Variants in CADM1 observed in about 807,000 individuals in gnomAD.
CADM1 encodes the protein TSLC-1.
In CADM1, 15 loss-of-function variants were observed where a neutral mutation model predicts 53.1. That is an observed-to-expected ratio of 0.28 (90% CI 0.19 to 0.44). The LOEUF is 0.44. CADM1 is among the 20% of genes least tolerant of loss of function. CADM1 has a pLI of 1.00. For synonymous variants in CADM1, 281 were observed against 243.0 expected, an observed-to-expected ratio of 1.16 and a Z score of -1.45; for missense variants, 434 against 611.3, an observed-to-expected ratio of 0.71 and a Z score of 3.06.
intron 1 of CADM1, among the ~76,000 whole-genome samples, chr11:115,490,394 T>TTTC (rs1949467471): frequency 1.5e-5 from 2 of 134,076 alleles, no homozygotes; most frequent in Non-Finnish European, 3.2e-5. Context: ...AAGAACAGAT[T>TTTC]TTTTTTTTTT....
At chr11:115,412,479 G>C (rs1033646541) in intron 1 of CADM1, among the ~76,000 whole-genome samples, 2 of 152,204 alleles carry the variant, frequency 1.3e-5, no homozygotes, top group Non-Finnish European at 2.9e-5. Flanking sequence ...GATTACAGGC[G>C]TGAGCCACTG....
intron 1 of CADM1, among the ~76,000 whole-genome samples, chr11:115,354,895 T>G (rs1251721796): frequency 6.6e-6 from 1 of 152,208 alleles, no homozygotes; most frequent in Non-Finnish European, 1.5e-5. Flanking sequence ...ATTCATTTCA[T>G]TCATCCCAAT....
chr11:115,193,357 T>C (rs1176899291), intron 9 of CADM1, among the ~76,000 whole-genome samples: 1 of 152,238 alleles, frequency 6.6e-6, no homozygotes. Flanking sequence ...AGTTTACTTT[T>C]TGTCCATATG....
intron 1 of CADM1, among the ~76,000 whole-genome samples, chr11:115,484,036 C>A (rs993418833): frequency 6.6e-6 from 1 of 152,184 alleles, no homozygotes; most frequent in Non-Finnish European, 1.5e-5. Context: ...GACCAGTCAT[C>A]TCCTAAAGGT....
At chr11:115,479,342 C>A (rs1393303244) in intron 1 of CADM1, among the ~76,000 whole-genome samples, 2 of 152,156 alleles carry the variant, frequency 1.3e-5, no homozygotes, top group Non-Finnish European at 1.5e-5. Context: ...GATTCAAATA[C>A]TTTTAAATCC....
rs1444623907 is a variant in CADM1, at chr11:115,175,853, AAG to A, written c.*619_*620del. The A allele has an allele frequency of 1.0e-6, 1 of 994,358 alleles. No individual in the cohort carries two copies. The highest frequency in any genetic ancestry group is 1.2e-6 in the Non-Finnish European group (1 of 835,168). 61.6% of individuals were successfully genotyped at this position (994,358 alleles called of 1,614,324 possible). On this transcript the variant is annotated 3_prime_UTR_variant, in exon 12 of 12. Transcript: ENST00000331581. ...AGTATTTGAAACATGGGCAGCAGCA[AAG>A]AGTTTTCATTGTTTGTTCACCCAAA...
intron 1 of CADM1, among the ~76,000 whole-genome samples, chr11:115,299,378 T>C (rs1428697581): frequency 6.6e-6 from 1 of 152,156 alleles, no homozygotes. Flanking sequence ...AGAACAAATT[T>C]TTTTGTTTAC....
intron 1 of CADM1, among the ~76,000 whole-genome samples, chr11:115,394,903 C>T (rs975923452): frequency 6.6e-6 from 1 of 152,032 alleles, no homozygotes; most frequent in Non-Finnish European, 1.5e-5. Flanking sequence ...ATCCATTATT[C>T]ATTCCAAAAG....
chr11:115,373,631 T>C (rs1207609789), intron 1 of CADM1, among the ~76,000 whole-genome samples: 1 of 128,874 alleles, frequency 7.8e-6, no homozygotes, highest in African/African-American at 2.9e-5. Context: ...GAAGAAAGAA[T>C]GTGGACAATC....
chr11:115,442,535 T>G (rs1948341317), intron 1 of CADM1, among the ~76,000 whole-genome samples: 1 of 152,184 alleles, frequency 6.6e-6, no homozygotes, highest in South Asian at 2.1e-4. Flanking sequence ...AGACCTAATG[T>G]AGCCTTAAAA....
chr11:115,452,769 CT>C (rs1196649981), intron 1 of CADM1, among the ~76,000 whole-genome samples: 1 of 152,052 alleles, frequency 6.6e-6, no homozygotes, highest in Non-Finnish European at 1.5e-5. Flanking sequence ...TTTTACTATA[CT>C]TTTTTTCCAC....
intron 1 of CADM1, among the ~76,000 whole-genome samples, chr11:115,391,983 C>T (rs898642441): frequency 2.0e-5 from 3 of 152,102 alleles, no homozygotes; most frequent in African/African-American, 7.2e-5. Flanking sequence ...AAATATCAGG[C>T]CCACACTAAC....
rs760435135 is a variant in CADM1, at chr11:115,174,933, G to A, written c.*1541C>T. On this transcript the variant is annotated 3_prime_UTR_variant, in exon 12 of 12. Coordinates refer to ENST00000331581, the MANE Select transcript of CADM1 (RefSeq NM_001301043.2). Reference sequence around the variant, plus strand: ...TTCTTTAAAACATGTAAATGGTAACGTGACTCCTCTACCTTTTCCCGAGGC... The same window carrying A: ...TTCTTTAAAACATGTAAATGGTAACATGACTCCTCTACCTTTTCCCGAGGC... The A allele has an allele frequency of 2.0e-5, 20 of 985,392 alleles. No homozygotes were observed. Among genetic ancestry groups the A allele is most frequent in the Non-Finnish European group, 2.3e-5 (19 of 829,744 alleles). 61.0% of individuals were successfully genotyped at this position (985,392 alleles called of 1,614,324 possible). A position where few individuals can be genotyped will look rare whatever the true frequency, so the allele number is the denominator to read the frequency against.
chr11:115,260,796 C>T (rs1056552796), intron 1 of CADM1, among the ~76,000 whole-genome samples: 7 of 152,074 alleles, frequency 4.6e-5, no homozygotes, highest in Non-Finnish European at 8.8e-5. Context: ...CCTCAGCCTC[C>T]CGAGTAGCTG....
chr11:115,441,172 C>A (rs1948302060), intron 1 of CADM1, among the ~76,000 whole-genome samples: 1 of 151,854 alleles, frequency 6.6e-6, no homozygotes, highest in Non-Finnish European at 1.5e-5. Context: ...GAGTGAAGTC[C>A]TGCCTGCTCA....
chr11:115,437,245 A>T (rs1948204081), intron 1 of CADM1, among the ~76,000 whole-genome samples: 1 of 152,198 alleles, frequency 6.6e-6, no homozygotes, highest in Admixed American at 6.5e-5. Flanking sequence ...TTATCACATT[A>T]TTGAATACAT....
In CADM1 at chr11:115,170,818, A is replaced by G. The variant is rs1230090226; in HGVS notation, c.*5656T>C. ...GATACTATTCCAGTGGGTCCTTGAG[A>G]ATGATAGGGCCAATCGCTCTAAACT... On this transcript the variant is annotated 3_prime_UTR_variant, in exon 12 of 12. Transcript: ENST00000331581. 6.6e-6 allele frequency: 1 copy of G among 152,184 alleles called. No individual in the cohort carries two copies. The highest frequency in any genetic ancestry group is 1.5e-5 in the Non-Finnish European group (1 of 68,042). 9.4% of individuals were successfully genotyped at this position (152,184 alleles called of 1,614,324 possible). A position where few individuals can be genotyped will look rare whatever the true frequency, so the allele number is the denominator to read the frequency against.
intron 1 of CADM1, among the ~76,000 whole-genome samples, chr11:115,481,067 A>C (rs556974294): frequency 2.0e-5 from 3 of 152,032 alleles, no homozygotes; most frequent in East Asian, 3.9e-4. Flanking sequence ...TAATTCAAAA[A>C]AATACATACT....
At chr11:115,261,784 AT>A (rs113933840) in intron 1 of CADM1, among the ~76,000 whole-genome samples, 2,270 of 143,268 alleles carry the variant, frequency 0.016, 30 homozygotes, top group African/African-American at 0.042. Context: ...CTCCAATAAG[AT>A]TTTTTTTTTT....
Sources: allele counts gnomAD v4.1 joint callset (sites outside exome capture counted in the v4.1 genomes callset), GRCh38; gene constraint gnomAD v4.1.1; transcripts MANE v1.5; gene names NCBI Gene and HGNC (gene_info 2026-07-23, HGNC 2026-07-21).